AK9: variants seen among roughly 807,000 people sequenced by gnomAD.
AK9 encodes the protein adenylate kinase 9.
AK9 carries 191 observed loss-of-function variants against 239.6 expected under a neutral mutation model. The observed-to-expected ratio is 0.80, with a 90% CI of 0.71 to 0.90. The LOEUF is 0.90. AK9 is among the 40% of genes least tolerant of loss of function. The pLI, the probability that AK9 is intolerant of heterozygous loss-of-function variation, is 0.00. For synonymous variants in AK9, 689 were observed against 721.0 expected (o/e 0.96, Z 0.71); for missense variants, 1,995 against 2,214.7 (o/e 0.90, Z 1.99).
intron 38 of AK9, among the ~76,000 whole-genome samples, chr6:109,496,864 T>G (rs1777088531): frequency 6.6e-6 from 1 of 152,102 alleles, no homozygotes. Context: ...AACACGGACC[T>G]CACTTACAAT....
At chr6:109,653,684 T>C (rs111341479) in intron 8 of AK9, among the ~76,000 whole-genome samples, 87,009 of 150,130 alleles carry the variant, frequency 0.58, 26,831 homozygotes, top group South Asian at 0.84. Context: ...TTTTTTTTTT[T>C]TCTCTCTCTT....
chr6:109,647,954 T>C lies in AK9; in HGVS notation c.760-3266A>G, dbSNP rs530400057. On this transcript the variant is annotated intron_variant, in intron 8 of 40. Transcript: ENST00000424296. ...AGAAACTCACTCAAAACCGCTCAACTACATGGAAACTGAACAACCTGCTCC... is the reference window on the plus strand; with the variant it reads ...AGAAACTCACTCAAAACCGCTCAACCACATGGAAACTGAACAACCTGCTCC... Among the ~76,000 whole-genome samples, 880 of 152,142 alleles carry C rather than the reference T, an allele frequency of 5.8e-3. 5 individuals are homozygous for C. The highest frequency in any genetic ancestry group is 0.02 in the African/African-American group (842 of 41,500).
At chr6:109,591,911 A>G (rs1323128081) in intron 17 of AK9, among the ~76,000 whole-genome samples, 1 of 152,190 alleles carries the variant, frequency 6.6e-6, no homozygotes, top group East Asian at 1.9e-4. Flanking sequence ...TTTTATATAA[A>G]TGAACTCTGA....
chr6:109,541,776 A>G (rs1582919906), intron 27 of AK9, among the ~76,000 whole-genome samples: 2 of 152,212 alleles, frequency 1.3e-5, no homozygotes, highest in Non-Finnish European at 2.9e-5. Flanking sequence ...TTTTACCACA[A>G]ATGCACTTTA....
chr6:109,620,852 T>A (rs889662222), intron 12 of AK9, among the ~76,000 whole-genome samples: 2 of 151,364 alleles, frequency 1.3e-5, no homozygotes, highest in African/African-American at 2.4e-5. Flanking sequence ...ATACTATTCA[T>A]ATATATACAT....
At position 109,579,608 on chromosome 6, in the gene AK9, T is replaced by G; in HGVS notation, c.2133A>C (p.Glu711Asp). The change falls in exon 20 of 41, where the codon GAA (glutamate) becomes GAC (aspartate). Residue 711 changes from glutamate to aspartate, a missense_variant. Coordinates refer to ENST00000424296, the MANE Select transcript of AK9 (RefSeq NM_001145128.3). ...EEEARKATEEELRLEEENRRL... is the reference protein window; with the variant it reads ...EEEARKATEEDLRLEEENRRL... ...TTCGATTTTCTTCTTCGAGTCTCAA[T>G]TCCTCTTCTGTGGCTTTTCTGAAAT... 6.4e-7 allele frequency: 1 copy of G among 1,551,162 alleles called. No individual in the cohort carries two copies. The highest frequency in any genetic ancestry group is 1.4e-5 in the African/African-American group (1 of 73,134).
At chr6:109,571,451 G>A (rs2128194059) in intron 21 of AK9, among the ~76,000 whole-genome samples, 1 of 152,240 alleles carries the variant, frequency 6.6e-6, no homozygotes, top group East Asian at 1.9e-4. Flanking sequence ...TTTCTCTCAA[G>A]CCGAAGTCTA....
chr6:109,595,768 G>A (rs1790938516), intron 17 of AK9, among the ~76,000 whole-genome samples: 1 of 152,170 alleles, frequency 6.6e-6, no homozygotes, highest in African/African-American at 2.4e-5. Context: ...ACCAAACACT[G>A]CATGTTCTCA....
At chr6:109,577,858 T>G (rs942456998) in intron 20 of AK9, among the ~76,000 whole-genome samples, 1 of 142,930 alleles carries the variant, frequency 7.0e-6, no homozygotes, top group African/African-American at 2.6e-5. Flanking sequence ...CTCTCTCTTT[T>G]TCTTTCTTTC....
chr6:109,516,426 T>C lies in AK9; in HGVS notation c.3846+4A>G. ...ATTATAAAAAGCAAAGGAAAAGTAA[T>C]AACCTGTATTATTTGTAAATTATGT... On this transcript the variant is annotated splice_donor_region_variant and intron_variant, in intron 30 of 40. Transcript: ENST00000424296. 1 of 1,547,984 alleles carries C rather than the reference T, an allele frequency of 6.5e-7. No individual in the cohort carries two copies. The highest frequency in any genetic ancestry group is 1.4e-5 in the African/African-American group (1 of 73,062).
intron 20 of AK9, among the ~76,000 whole-genome samples, chr6:109,575,976 G>C (rs182235495): frequency 5.6e-4 from 85 of 152,084 alleles, no homozygotes; most frequent in African/African-American, 2.0e-3. Context: ...AAGATCAGTT[G>C]GCTGTAAATA....
At chr6:109,532,246 C>T (rs1375387495) in intron 28 of AK9, among the ~76,000 whole-genome samples, 8 of 152,166 alleles carry the variant, frequency 5.3e-5, no homozygotes, top group Admixed American at 4.6e-4. Flanking sequence ...AGTCTTGATT[C>T]TTTTTGAAAT....
chr6:109,684,899 A>G (rs1285759081), intron 1 of AK9, among the ~76,000 whole-genome samples: 20 of 144,812 alleles, frequency 1.4e-4, no homozygotes, highest in Admixed American at 3.5e-4. Context: ...AAAAAAAAAA[A>G]AAAAAAAAAA....
chr6:109,577,941 C>CTT (rs375392278), intron 20 of AK9, among the ~76,000 whole-genome samples: 3 of 126,134 alleles, frequency 2.4e-5, no homozygotes, highest in East Asian at 2.2e-4. Flanking sequence ...CTTTCTTTCT[C>CTT]TTTTTTTTTT....
At chr6:109,688,870 G>A (rs1040823619) in intron 1 of AK9, among the ~76,000 whole-genome samples, 4 of 152,184 alleles carry the variant, frequency 2.6e-5, no homozygotes, top group African/African-American at 7.2e-5. Context: ...GGGGTGCTCA[G>A]GGTGGTATGG....
chr6:109,654,659 G>A (rs1398665535), intron 8 of AK9, among the ~76,000 whole-genome samples: 3 of 152,094 alleles, frequency 2.0e-5, no homozygotes, highest in Non-Finnish European at 4.4e-5. Flanking sequence ...GTTTCCTTAA[G>A]CTAGATTCAA....
intron 2 of AK9, among the ~76,000 whole-genome samples, chr6:109,675,280 G>A (rs879745132): frequency 3.7e-4 from 56 of 152,102 alleles, no homozygotes; most frequent in Non-Finnish European, 4.9e-4. Context: ...TAATATAAAA[G>A]CAAATTTAAA....
chr6:109,633,013 T>C lies in AK9; in HGVS notation c.1164A>G (p.Pro388=), dbSNP rs146284722. 3.1e-5 allele frequency: 49 copies of C among 1,603,158 alleles called. No homozygotes were observed. In the African/African-American group the frequency reaches 5.2e-4, roughly 17 times the overall value. The part of the protein sequence containing the change: ...NPRPYLLPPM[P]GPPCKVFILG... ...GTATGAATACTTTACATGGTGGTCC[T>C]GGCATAGGTGGAAGCAGATAGGGAC... The change falls in exon 12 of 41, where the codon CCA becomes CCG. Residue 388 remains proline (P), a synonymous_variant. Coordinates refer to ENST00000424296, the MANE Select transcript of AK9 (RefSeq NM_001145128.3).
rs147023575 is a variant in AK9 at position 109,546,046 on chromosome 6, T to C, written c.3046A>G (p.Asn1016Asp). Residue 1016 changes from asparagine (N) to aspartate (D), a missense_variant, in exon 26 of 41, where the codon AAC becomes GAC. Physicochemically the swap from Asn to Asp is conservative, Grantham distance 23. Around this residue, in one of 5 missense-constraint regions of AK9, gnomAD observed 1,290 missense variants for 1,392.7 expected, o/e 0.93. Transcript: ENST00000424296. ...TCTTCAAACTGAATGTGAAAAATGT[T>C]TAATTTTTCTGCCAACTGTCTTCCA... ...MCGRQLAEKL[N>D]IFHIQFEEVL... 5.0e-6 allele frequency: 8 copies of C among 1,613,536 alleles called. No homozygotes were observed. The African/African-American group carries it at 1.1e-4, about 22-fold the overall frequency.
Sources: allele counts gnomAD v4.1 joint callset (sites outside exome capture counted in the v4.1 genomes callset), GRCh38; gene constraint gnomAD v4.1.1; regional missense constraint gnomAD v4.1.1; transcripts MANE v1.5; gene names NCBI Gene and HGNC (gene_info 2026-07-23, HGNC 2026-07-21).